Variants in P3H1 observed in about 807,000 individuals in gnomAD.
P3H1 encodes the protein prolyl 3-hydroxylase 1, also known as growth suppressor 1.
In P3H1, 69 loss-of-function variants were observed where a neutral mutation model predicts 84.0. The observed-to-expected ratio is 0.82, with a 90% CI of 0.68 to 1.00. P3H1 has a LOEUF of 1.00. Among genes scored for constraint, P3H1 ranks in the 50% least tolerant of loss-of-function variants. The probability of loss-of-function intolerance (pLI) is 0.00; values close to 1 mark genes in which losing one functional copy is unlikely to be tolerated. For synonymous variants in P3H1, 366 were observed against 388.8 expected (o/e 0.94, Z 0.69); for missense variants, 878 against 962.8 (o/e 0.91, Z 1.17).
chr1:42,748,364 G>A (rs1048559924), intron 11 of P3H1, 47 bp from the exon 12 acceptor site: 10 of 1,380,634 alleles, frequency 7.2e-6, no homozygotes, highest in Middle Eastern at 1.8e-4. Context: ...CTCGGGAGAC[G>A]GCATAGCTCT....
At chr1:42,765,691 AGG>A (rs914262703) in intron 1 of P3H1, among the ~76,000 whole-genome samples, 1 of 152,176 alleles carries the variant, frequency 6.6e-6, no homozygotes, top group African/African-American at 2.4e-5. Context: ...ATCGAATCGA[AGG>A]TCTTTTAAAC....
rs373146584 is a variant in P3H1, at chr1:42,752,313, A to T, written c.1530T>A (p.Asn510Lys). 1 of 1,613,898 alleles carries T rather than the reference A, an allele frequency of 6.2e-7. No homozygotes were observed. The highest frequency in any genetic ancestry group is 8.5e-7 in the Non-Finnish European group (1 of 1,180,004). The change falls in exon 10 of 15, where the codon AAT (asparagine) becomes AAA (lysine). Residue 510 changes from asparagine to lysine, a missense_variant. Transcript: ENST00000296388. ...AGACAGTGACACCATAGAACTTTTC[A>T]TTGGGAGTATGTGGGGAGGTCTGAC... ...YRGQTSPHTP[N>K]EKFYGVTVFK...
intron 10 of P3H1, among the ~76,000 whole-genome samples, chr1:42,750,660 G>GC (rs1398437126): frequency 7.9e-6 from 1 of 127,026 alleles, no homozygotes; most frequent in East Asian, 2.4e-4. Context: ...CGGGGGGGGT[G>GC]GTCGGCCAGC....
In P3H1 at chr1:42,757,819, A is replaced by G; in HGVS notation, c.1044T>C (p.Leu348=). 1 of 1,614,236 alleles carries G rather than the reference A, an allele frequency of 6.2e-7. No individual in the cohort carries two copies. The highest frequency in any genetic ancestry group is 8.5e-7 in the Non-Finnish European group (1 of 1,180,034). Reference sequence around the variant, plus strand: ...CGATGGATCTGGTGTGTTCTTCTCCAAGCATAGCTGCATAATAGGCCAAAT... The same window carrying G: ...CGATGGATCTGGTGTGTTCTTCTCCGAGCATAGCTGCATAATAGGCCAAAT... ...NQNLAYYAAM[L]GEEHTRSIGP... The change falls in exon 5 of 15, where the codon CTT becomes CTC. Residue 348 remains leucine (L), a synonymous_variant. Coordinates refer to ENST00000296388, the MANE Select transcript of P3H1 (RefSeq NM_022356.4).
chr1:42,747,152 G>A, intron 14 of P3H1, 120 bp downstream of exon 14: 1 of 1,614,214 alleles, frequency 6.2e-7, no homozygotes, highest in Non-Finnish European at 8.5e-7. Flanking sequence ...TGTCCCAAGT[G>A]CTCCTTTCGT....
At chr1:42,758,246 C>T (rs1303439913) in intron 4 of P3H1, among the ~76,000 whole-genome samples, 1 of 152,204 alleles carries the variant, frequency 6.6e-6, no homozygotes, top group Non-Finnish European at 1.5e-5. Context: ...AATATTTTGC[C>T]TCAATACACT....
rs2760071 is a variant in P3H1, at chr1:42,762,911, G to T, written c.466-436C>A. Among the ~76,000 whole-genome samples, 539 of 152,102 alleles carry T rather than the reference G, an allele frequency of 3.5e-3. 5 individuals carry two copies. Among genetic ancestry groups the T allele is most frequent in the South Asian group, 0.032 (156 of 4,812 alleles). ...GTTCAAGACCAGTCTGGGCAACATG[G>T]TGAAACCCTGTCTTTACGAAAAATA... On this transcript the variant is annotated intron_variant, in intron 1 of 14. Transcript: ENST00000296388.
chr1:42,752,455 G>A (rs914563147), intron 9 of P3H1, 82 bp downstream of exon 9: 106 of 1,611,070 alleles, frequency 6.6e-5, no homozygotes, highest in Non-Finnish European at 8.7e-5. Context: ...GGAAGAGGAA[G>A]GCGAAGGCTA....
chr1:42,757,904 G>A lies in P3H1; in HGVS notation c.959C>T (p.Ala320Val), dbSNP rs1402299912. 1 of 1,614,054 alleles carries A rather than the reference G, an allele frequency of 6.2e-7. No homozygotes were observed. Among genetic ancestry groups the A allele is most frequent in the East Asian group, 2.2e-5 (1 of 44,898 alleles). ...AYYNIGNYTQ[A>V]VECAKTYLLF... is the part of the protein sequence containing the mutation. ...AAGATAGGTCTTGGCACATTCAACA[G>A]CCTGTGTATAATTCCCAACTGCAAA... The change falls in exon 5 of 15, where the codon GCT becomes GTT. Residue 320 changes from alanine to valine, a missense_variant. Coordinates refer to ENST00000296388, the MANE Select transcript of P3H1 (RefSeq NM_022356.4).
intron 10 of P3H1, chr1:42,751,705 C>CCTCCT: frequency 5.8e-6 from 1 of 170,950 alleles, no homozygotes. Flanking sequence ...TCTTTGCCTT[C>CCTCCT]CACCATGATT....
At chr1:42,766,425 G>A in intron 1 of P3H1, 82 bp downstream of exon 1, 2 of 1,271,032 alleles carry the variant, frequency 1.6e-6, no homozygotes, top group Non-Finnish European at 1.1e-6. Context: ...ACACTTCCCC[G>A]ATCCCCCAAG....
In P3H1 at chr1:42,746,492, C is replaced by T. The variant is rs1437584865; in HGVS notation, c.*205G>A. 2 of 604,686 alleles carry T rather than the reference C, an allele frequency of 3.3e-6. No homozygotes were observed. The highest frequency in any genetic ancestry group is 5.8e-5 in the Admixed American group (2 of 34,736). The allele number at this position is 604,686 out of a possible 1,614,324, so 37.5% of individuals were successfully genotyped here. On this transcript the variant is annotated 3_prime_UTR_variant, in exon 15 of 15. Transcript: ENST00000296388. ...GGGTGGCTGGGCCTGTGTCCTGAGC[C>T]CTCAGCCAGATCCAGGGGGTGCGGT...
intron 13 of P3H1, 28 bp from the exon 14 acceptor site, chr1:42,747,440 T>G: frequency 6.3e-7 from 1 of 1,599,302 alleles, no homozygotes; most frequent in Non-Finnish European, 8.5e-7. Flanking sequence ...GGAGGGGGGT[T>G]GCACAGGACA....
At chr1:42,751,958 ATC>A in intron 10 of P3H1, 1 of 398,226 alleles carries the variant, frequency 2.5e-6, no homozygotes, top group Middle Eastern at 7.0e-4. Context: ...TGTCCTTCTT[ATC>A]TCTCTTTATG....
intron 6 of P3H1, 36 bp downstream of exon 6, chr1:42,755,512 T>C (rs1186405950): frequency 6.5e-7 from 1 of 1,543,082 alleles, no homozygotes; most frequent in Non-Finnish European, 9.0e-7. Context: ...GCTCACTCTT[T>C]CCCCGCTCCC....
In P3H1 at chr1:42,750,235, C is replaced by T. The variant is rs772912578; in HGVS notation, c.1671G>A (p.Thr557=). Residue 557 remains threonine, a synonymous_variant, in exon 11 of 15, where the codon ACG becomes ACA. Transcript: ENST00000296388. ...RIMESYFRLD[T]PLYFSYSHLV... ...GATGAGAGTAGGAAAAGTAGAGGGGCGTATCCAGGCGGAAGTAGGACTCCA... is the reference window on the plus strand; with the variant it reads ...GATGAGAGTAGGAAAAGTAGAGGGGTGTATCCAGGCGGAAGTAGGACTCCA... 9 of 1,613,646 alleles carry T rather than the reference C, an allele frequency of 5.6e-6. No homozygotes were observed. Among genetic ancestry groups the T allele is most frequent in the South Asian group, 1.1e-5 (1 of 90,976 alleles).
At position 42,755,654 on chromosome 1, in the gene P3H1, AAAC is replaced by A; in HGVS notation, c.1081-20_1081-18del. The A allele has an allele frequency of 6.3e-7, 1 of 1,598,068 alleles. No homozygotes were observed. Among genetic ancestry groups the A allele is most frequent in the Non-Finnish European group, 8.6e-7 (1 of 1,165,556 alleles). ...CTTGGCACTCTGAGGGTAAAAAAGCAAACAAATCCCCCAGAACTCAGCCCTGTC... is the reference window on the plus strand; with the variant it reads ...CTTGGCACTCTGAGGGTAAAAAAGCAAAATCCCCCAGAACTCAGCCCTGTC... On this transcript the variant is annotated intron_variant, in intron 5 of 14. Transcript: ENST00000296388.
chr1:42,748,440 G>T (rs190123100), intron 11 of P3H1, 123 bp from the exon 12 acceptor site: 128 of 795,648 alleles, frequency 1.6e-4, no homozygotes, highest in Non-Finnish European at 8.6e-5. Flanking sequence ...TGAACTAGGG[G>T]GGTGTCTTTG....
intron 11 of P3H1, chr1:42,749,946 C>T (rs1467007935): frequency 1.8e-6 from 1 of 545,540 alleles, no homozygotes; most frequent in Non-Finnish European, 3.3e-6. Context: ...GACGGGTGGC[C>T]CCCTTTCTGG....
Sources: allele counts gnomAD v4.1 joint callset (sites outside exome capture counted in the v4.1 genomes callset), GRCh38; gene constraint gnomAD v4.1.1; transcripts MANE v1.5; gene names NCBI Gene and HGNC (gene_info 2026-07-23, HGNC 2026-07-21).